Variants in TCF3 observed in about 807,000 individuals in gnomAD.
The protein encoded by TCF3 is transcription factor E2-alpha.
Under a neutral mutation model 72.3 loss-of-function variants are expected in TCF3, and 54 were observed. That is an observed-to-expected ratio of 0.75 (90% CI 0.60 to 0.94). The LOEUF is 0.94. Among genes scored for constraint, TCF3 ranks in the 40% least tolerant of loss-of-function variants. The pLI is 0.00. For missense variants in TCF3, 1,078 were observed against 934.4 expected (o/e 1.15, Z -2.00); for synonymous variants, 525 against 412.6 (o/e 1.27, Z -3.30).
At chr19:1,624,700 C>T (rs752476639) in intron 7 of TCF3, among the ~76,000 whole-genome samples, 1 of 152,212 alleles carries the variant, frequency 6.6e-6, no homozygotes, top group Non-Finnish European at 1.5e-5. Flanking sequence ...CACTCACGGA[C>T]GTGCGCACAG....
chr19:1,638,184 T>A (rs991579621), intron 3 of TCF3, among the ~76,000 whole-genome samples: 1 of 152,200 alleles, frequency 6.6e-6, no homozygotes, highest in Non-Finnish European at 1.5e-5. Flanking sequence ...GAGTTCTCTC[T>A]CATTTCACTG....
chr19:1,642,401 C>T (rs529075189), intron 3 of TCF3, among the ~76,000 whole-genome samples: 2 of 152,202 alleles, frequency 1.3e-5, no homozygotes, highest in African/African-American at 2.4e-5. Flanking sequence ...CTAGGTCTGA[C>T]GCAGCACCAC....
chr19:1,612,106 G>T, intron 18 of TCF3: 1 of 1,243,298 alleles, frequency 8.0e-7, no homozygotes, highest in Non-Finnish European at 1.1e-6. Flanking sequence ...AGACAGACAT[G>T]GACAGAGTCC....
intron 3 of TCF3, among the ~76,000 whole-genome samples, chr19:1,635,689 G>A (rs2064298600): frequency 6.6e-6 from 1 of 152,078 alleles, no homozygotes; most frequent in African/African-American, 2.4e-5. Flanking sequence ...CCAATACGGG[G>A]ACCACACTAC....
intron 18 of TCF3, 72 bp from the exon 19 acceptor site, chr19:1,611,921 G>C (rs1233443894): frequency 8.6e-5 from 25 of 292,046 alleles, no homozygotes; most frequent in Non-Finnish European, 1.4e-4. Context: ...GGAGTGGGGG[G>C]TAGGATGTCG....
intron 5 of TCF3, among the ~76,000 whole-genome samples, chr19:1,627,650 C>A (rs996534101): frequency 3.3e-5 from 5 of 152,204 alleles, no homozygotes; most frequent in African/African-American, 7.2e-5. Flanking sequence ...TGCCCATCTC[C>A]TGCCCAATGA....
intron 16 of TCF3, among the ~76,000 whole-genome samples, chr19:1,617,032 G>A (rs1026413209): frequency 1.3e-5 from 2 of 152,204 alleles, no homozygotes; most frequent in African/African-American, 4.8e-5. Context: ...GAAACACGTG[G>A]AAGTCCGCTT....
intron 3 of TCF3, among the ~76,000 whole-genome samples, chr19:1,636,667 G>A (rs952170106): frequency 3.3e-5 from 5 of 152,142 alleles, no homozygotes; most frequent in Non-Finnish European, 5.9e-5. Flanking sequence ...CACTGCAGCC[G>A]CCCTGGGTTT....
At chr19:1,649,399 G>A (rs1040291230) in intron 2 of TCF3, among the ~76,000 whole-genome samples, 1 of 151,340 alleles carries the variant, frequency 6.6e-6, no homozygotes, top group Non-Finnish European at 1.5e-5. Flanking sequence ...GGTCCGCTCA[G>A]CACTGGGCAC....
chr19:1,646,452 G>C (rs1309375078), intron 2 of TCF3, 25 bp from the exon 3 acceptor site: 1 of 1,545,604 alleles, frequency 6.5e-7, no homozygotes, highest in Non-Finnish European at 8.7e-7. Context: ...GGGGAGACGT[G>C]AGCGGGGCGG....
At chr19:1,629,295 G>C (rs542457200) in intron 5 of TCF3, among the ~76,000 whole-genome samples, 1 of 151,572 alleles carries the variant, frequency 6.6e-6, no homozygotes, top group Non-Finnish European at 1.5e-5. Context: ...GAGCCCCGGG[G>C]CCTGTGCACA....
chr19:1,639,961 G>A (rs1163906504), intron 3 of TCF3, among the ~76,000 whole-genome samples: 1 of 152,076 alleles, frequency 6.6e-6, no homozygotes, highest in Non-Finnish European at 1.5e-5. Context: ...GAGGAAAATT[G>A]ATCAATTGAT....
At chr19:1,647,067 C>T (rs1035138063) in intron 2 of TCF3, among the ~76,000 whole-genome samples, 3 of 152,166 alleles carry the variant, frequency 2.0e-5, no homozygotes, top group Non-Finnish European at 4.4e-5. Context: ...GATGGAGCCC[C>T]GGGCCCGGCA....
At position 1,621,834 on chromosome 19, in the gene TCF3, A is replaced by G. The variant is rs373284557; in HGVS notation, c.955+4T>C. ...AGAGGCCGCATCCCAGGGAGGGGCCATACCCAGGAGGCTGTCGGCCCCGCT... is the reference window on the plus strand; with the variant it reads ...AGAGGCCGCATCCCAGGGAGGGGCCGTACCCAGGAGGCTGTCGGCCCCGCT... On this transcript the variant is annotated splice_donor_region_variant and intron_variant, in intron 11 of 18. Coordinates refer to ENST00000262965, the MANE Select transcript of TCF3 (RefSeq NM_003200.5). The G allele has an allele frequency of 2.6e-5, 42 of 1,585,014 alleles. No individual in the cohort carries two copies. In the African/African-American group the frequency reaches 3.8e-4, roughly 14 times the overall value.
chr19:1,627,853 C>T (rs868722097), intron 5 of TCF3, among the ~76,000 whole-genome samples: 345 of 12,190 alleles, frequency 0.028, 70 homozygotes, highest in Middle Eastern at 0.14. Flanking sequence ...GGGGGTGAGG[C>T]GGGAAGGGGA....
chr19:1,642,060 G>A (rs755855829), intron 3 of TCF3, among the ~76,000 whole-genome samples: 8 of 150,420 alleles, frequency 5.3e-5, no homozygotes, highest in Admixed American at 2.0e-4. Flanking sequence ...AAAAAAAATC[G>A]TACAGATGAA....
chr19:1,621,219 G>A (rs1328159757), intron 11 of TCF3, 28 bp from the exon 12 acceptor site: 71 of 1,530,644 alleles, frequency 4.6e-5, no homozygotes, highest in South Asian at 8.4e-5. Flanking sequence ...TGAGGCCCAC[G>A]CAGCCCGGCC....
At chr19:1,624,602 G>A (rs996653752) in intron 7 of TCF3, among the ~76,000 whole-genome samples, 1 of 152,196 alleles carries the variant, frequency 6.6e-6, no homozygotes, top group Non-Finnish European at 1.5e-5. Flanking sequence ...CACGCAGTCA[G>A]GCTTCACCAC....
intron 18 of TCF3, among the ~76,000 whole-genome samples, chr19:1,613,821 C>G (rs1165525128): frequency 6.6e-6 from 1 of 152,208 alleles, no homozygotes; most frequent in Non-Finnish European, 1.5e-5. Flanking sequence ...GCTGGGAAGG[C>G]CAGCTCCCTA....
Sources: gnomAD v4.1 joint callset for allele counts (sites outside exome capture counted in the v4.1 genomes callset) on GRCh38, gnomAD v4.1.1 for gene constraint, MANE v1.5 for transcripts, NCBI Gene and HGNC (gene_info 2026-07-23, HGNC 2026-07-21) for gene names.